Variants in TEF observed in about 807,000 individuals in gnomAD.
TEF encodes thyrotroph embryonic factor.
Under a neutral mutation model 20.8 loss-of-function variants are expected in TEF, and 3 were observed. The ratio of observed to expected loss-of-function variants is 0.14; its 90% CI spans 0.07 to 0.37. TEF has a LOEUF of 0.37. TEF is among the 10% of genes least tolerant of loss of function. TEF has a pLI of 1.00. For missense variants in TEF, 296 were observed against 397.9 expected, an observed-to-expected ratio of 0.74 and a Z score of 2.18; for synonymous variants, 180 against 171.1, an observed-to-expected ratio of 1.05 and a Z score of -0.41.
chr22:41,388,955 G>C (rs1013290857), intron 2 of TEF, among the ~76,000 whole-genome samples: 3 of 151,868 alleles, frequency 2.0e-5, no homozygotes, highest in Non-Finnish European at 4.4e-5. Context: ...TCTCAACTCA[G>C]AAGCAGTTAT....
chr22:41,394,983 C>T (rs900511852), intron 3 of TEF, among the ~76,000 whole-genome samples: 4 of 152,030 alleles, frequency 2.6e-5, no homozygotes, highest in African/African-American at 9.7e-5. Context: ...GTAGGCCAGG[C>T]ACTGATTTTT....
chr22:41,390,266 T>C (rs1364579600), intron 2 of TEF, among the ~76,000 whole-genome samples: 1 of 152,180 alleles, frequency 6.6e-6, no homozygotes, highest in African/African-American at 2.4e-5. Flanking sequence ...GCTAGGTCAT[T>C]GGACATGCAT....
upstream of TEF, chr22:41,381,899 G>GC (rs1442727543): frequency 2.4e-6 from 3 of 1,226,016 alleles, no homozygotes; most frequent in East Asian, 9.6e-5. Context: ...GTCCGCAGGC[G>GC]GGGTAGCGAT....
intron 2 of TEF, 86 bp from the exon 3 acceptor site, chr22:41,394,010 A>G: frequency 7.8e-7 from 1 of 1,283,636 alleles, no homozygotes; most frequent in Non-Finnish European, 1.1e-6. Context: ...TGCAGCCTTG[A>G]GGTTCAACCA....
chr22:41,396,126 G>T lies in TEF; in HGVS notation c.*166G>T. 1 of 720,052 alleles carries T rather than the reference G, an allele frequency of 1.4e-6. No individual in the cohort carries two copies. Among genetic ancestry groups the T allele is most frequent in the Non-Finnish European group, 2.2e-6 (1 of 446,994 alleles). 44.6% of individuals were successfully genotyped at this position (720,052 alleles called of 1,614,324 possible). A position where few individuals can be genotyped will look rare whatever the true frequency, so the allele number is the denominator to read the frequency against. ...TCAGCTTCATTATACCATGGCCTGC[G>T]CACGTGGCGACGTCCCTGAGGGGCC... On this transcript the variant is annotated 3_prime_UTR_variant, in exon 4 of 4. Transcript: ENST00000266304.
rs1351610067 is a variant in TEF, at chr22:41,396,718, G to T, written c.*758G>T. The T allele has an allele frequency of 1.8e-5, 7 of 386,606 alleles. No homozygotes were observed. In the East Asian group the frequency reaches 2.2e-4, roughly 12 times the overall value. The allele number at this position is 386,606 out of a possible 1,614,324, so 23.9% of individuals were successfully genotyped here. A position where few individuals can be genotyped will look rare whatever the true frequency, so the allele number is the denominator to read the frequency against. On this transcript the variant is annotated 3_prime_UTR_variant, in exon 4 of 4. Coordinates refer to ENST00000266304, the MANE Select transcript of TEF (RefSeq NM_003216.4). ...TGAGCCATGAGTGCCAGGGCTGAGA[G>T]AGGCCTCTTCATTTCCTCTCCAGGC...
At chr22:41,377,707 T>C (rs539873342), upstream of TEF, among the ~76,000 whole-genome samples, 13 of 152,300 alleles carry the variant, frequency 8.5e-5, no homozygotes, top group East Asian at 2.5e-3. Flanking sequence ...TTAAGCACGA[T>C]AGAGAACGTG....
At chr22:41,377,459 GTTTA>G (rs760670957), upstream of TEF, among the ~76,000 whole-genome samples, 5 of 152,130 alleles carry the variant, frequency 3.3e-5, no homozygotes, top group Admixed American at 2.0e-4. Flanking sequence ...TTCTTATGGG[GTTTA>G]TTTCTTTGTC....
chr22:41,386,758 A>AT (rs2037102613), intron 1 of TEF, among the ~76,000 whole-genome samples: 1 of 151,652 alleles, frequency 6.6e-6, no homozygotes, highest in Admixed American at 6.6e-5. Context: ...AAATAAATAA[A>AT]ATAAAATAAA....
intron 1 of TEF, among the ~76,000 whole-genome samples, chr22:41,374,409 G>A (rs779547871): frequency 5.9e-5 from 9 of 151,982 alleles, no homozygotes; most frequent in Middle Eastern, 3.2e-3. Context: ...AAAATTAGCC[G>A]GGCGTGGTGG....
intron 1 of TEF, chr22:41,369,853 G>A (rs2036860578): frequency 1.0e-6 from 1 of 979,450 alleles, no homozygotes; most frequent in Non-Finnish European, 1.2e-6. Context: ...CCTTGCTTTG[G>A]TGGACTTCCT....
chr22:41,379,027 C>T (rs1434547504), upstream of TEF, among the ~76,000 whole-genome samples: 1 of 152,182 alleles, frequency 6.6e-6, no homozygotes, highest in Admixed American at 6.5e-5. Flanking sequence ...TGTGCGCCTA[C>T]GCAAATTGGC....
In TEF at chr22:41,397,200, A is replaced by G. The variant is rs1292927740; in HGVS notation, c.*1240A>G. On this transcript the variant is annotated 3_prime_UTR_variant, in exon 4 of 4. Transcript: ENST00000266304. ...TTTTACACAGGCCTAGGGTCCCCTC[A>G]GTCTTGGTCCCAGGAGATGGGGGCC... The G allele has an allele frequency of 2.5e-6, 1 of 398,092 alleles. No individual in the cohort carries two copies. The highest frequency in any genetic ancestry group is 2.1e-5 in the African/African-American group (1 of 48,626). 24.7% of individuals were successfully genotyped at this position (398,092 alleles called of 1,614,324 possible). A position where few individuals can be genotyped will look rare whatever the true frequency, so the allele number is the denominator to read the frequency against.
chr22:41,390,522 A>C (rs1217575069), intron 2 of TEF, among the ~76,000 whole-genome samples: 3 of 64,454 alleles, frequency 4.7e-5, no homozygotes, highest in Non-Finnish European at 8.5e-5. Context: ...TTTTTTTTTG[A>C]GATGGAGTCT....
intron 1 of TEF, 158 bp from the exon 2 acceptor site, chr22:41,387,193 G>A: frequency 1.2e-6 from 1 of 805,964 alleles, no homozygotes; most frequent in South Asian, 1.8e-5. Flanking sequence ...TGGTTCAAGT[G>A]CGAGATTCGA....
rs531425115 is a variant in TEF at position 41,392,048 on chromosome 22, C to A, written c.476-2048C>A. Among the ~76,000 whole-genome samples, 18 of 152,278 alleles carry A rather than the reference C, an allele frequency of 1.2e-4. No homozygotes were observed. The South Asian group carries it at 3.5e-3, about 30-fold the overall frequency. ...CTGTTTTGTCTTTGCCAGGACAGAA[C>A]CTGGCATATAACAGGTATTCAATAA... On this transcript the variant is annotated intron_variant, in intron 2 of 3. Coordinates refer to ENST00000266304, the MANE Select transcript of TEF (RefSeq NM_003216.4).
intron 2 of TEF, among the ~76,000 whole-genome samples, chr22:41,388,463 C>T (rs972521361): frequency 2.0e-5 from 3 of 151,878 alleles, no homozygotes; most frequent in South Asian, 2.1e-4. Context: ...CTCAGGTGAT[C>T]GACCTACGTT....
At position 41,373,765 on chromosome 22, in the gene TEF, GA is replaced by G. The variant is rs1254677208; in HGVS notation, c.67+6167del. Among the ~76,000 whole-genome samples, 242 of 126,288 alleles carry G rather than the reference GA, an allele frequency of 1.9e-3. 7 individuals carry two copies. The highest frequency in any genetic ancestry group is 5.6e-3 in the African/African-American group (205 of 36,720). 82.8% of individuals were successfully genotyped at this position (126,288 alleles called of 152,430 possible). On this transcript the variant is annotated intron_variant, in intron 1 of 3. Transcript: ENST00000406644. ...TTACAGTCGTAAGTCACCACGCCCG[GA>G]CTTTTTTTTTTTTTTTTTGGAGACG... is the stretch of plus-strand genomic sequence containing the variant.
intron 1 of TEF, among the ~76,000 whole-genome samples, chr22:41,372,966 A>G (rs1237491473): frequency 6.6e-6 from 1 of 152,118 alleles, no homozygotes; most frequent in African/African-American, 2.4e-5. Context: ...GAAAGCAAGC[A>G]AGGGGGAGAG....
Sources: allele counts gnomAD v4.1 joint callset (sites outside exome capture counted in the v4.1 genomes callset), GRCh38; gene constraint gnomAD v4.1.1; transcripts MANE v1.5; gene names NCBI Gene and HGNC (gene_info 2026-07-23, HGNC 2026-07-21).